The following RBFOX1 variants were observed in gnomAD, a reference collection of about 807,000 sequenced individuals.
The protein encoded by RBFOX1 is RNA binding fox-1 homolog 1.
In RBFOX1, 8 loss-of-function variants were observed where a neutral mutation model predicts 57.7. That is an observed-to-expected ratio of 0.14 (90% CI 0.08 to 0.25). The LOEUF is 0.25. RBFOX1 is among the 10% of genes least tolerant of loss of function. RBFOX1 has a pLI of 1.00. For missense variants in RBFOX1, 611 were observed against 548.5 expected, an observed-to-expected ratio of 1.11 and a Z score of -1.14; for synonymous variants, 326 against 222.4, an observed-to-expected ratio of 1.47 and a Z score of -4.15.
At chr16:5,885,334 A>C (rs1010240548) in intron 4 of RBFOX1, among the ~76,000 whole-genome samples, 1 of 152,018 alleles carries the variant, frequency 6.6e-6, no homozygotes, top group Non-Finnish European at 1.5e-5. Context: ...AAAAAAAAAA[A>C]AAACTCCAAA....
intron 1 of RBFOX1, among the ~76,000 whole-genome samples, chr16:6,115,475 G>A (rs2096488069): frequency 6.6e-6 from 1 of 152,166 alleles, no homozygotes; most frequent in Admixed American, 6.5e-5. Flanking sequence ...CCCTTTAATA[G>A]ATTTGTGCAT....
chr16:7,351,879 C>G (rs571140173), intron 4 of RBFOX1, among the ~76,000 whole-genome samples: 12 of 152,290 alleles, frequency 7.9e-5, no homozygotes, highest in African/African-American at 2.9e-4. Context: ...CAGCAGCTGT[C>G]TTTCTGATCT....
At chr16:5,592,955 T>C (rs972435218) in intron 2 of RBFOX1, among the ~76,000 whole-genome samples, 89 of 152,254 alleles carry the variant, frequency 5.8e-4, no homozygotes, top group African/African-American at 1.9e-3. Context: ...CTGGATAAAA[T>C]GAGACTGAGA....
chr16:6,799,308 G>C (rs1036847474), intron 3 of RBFOX1, among the ~76,000 whole-genome samples: 1 of 152,096 alleles, frequency 6.6e-6, no homozygotes, highest in Non-Finnish European at 1.5e-5. Context: ...TGTATTTCTA[G>C]CTACTTATCA....
intron 2 of RBFOX1, among the ~76,000 whole-genome samples, chr16:6,623,008 A>G (rs952128621): frequency 3.3e-5 from 5 of 152,188 alleles, no homozygotes; most frequent in African/African-American, 7.2e-5. Flanking sequence ...TAATGAACAC[A>G]CCACATCTTT....
At position 6,030,158 on chromosome 16, in the gene RBFOX1, G is replaced by A. The variant is rs2152385420; in HGVS notation, c.-127+10166G>A. ...GCCCAGGCTGGTCTTGAACTCCTGGGGTCAAGCAATCTTCCCTTACAAAGT... is the reference window on the plus strand; with the variant it reads ...GCCCAGGCTGGTCTTGAACTCCTGGAGTCAAGCAATCTTCCCTTACAAAGT... On this transcript the variant is annotated intron_variant, in intron 1 of 15. Coordinates refer to ENST00000550418, the MANE Select transcript of RBFOX1 (RefSeq NM_018723.4). Among the ~76,000 whole-genome samples the A allele has an allele frequency of 5.9e-5, 9 of 152,202 alleles. No homozygotes were observed. The Middle Eastern group carries it at 0.02, about 345-fold the overall frequency.
At chr16:7,382,952 T>C (rs1426037885) in intron 4 of RBFOX1, among the ~76,000 whole-genome samples, 1 of 152,122 alleles carries the variant, frequency 6.6e-6, no homozygotes, top group East Asian at 1.9e-4. Flanking sequence ...GGGTTCCACA[T>C]TGAAGAGAAA....
chr16:7,496,125 G>C (rs1251504300), intron 4 of RBFOX1, among the ~76,000 whole-genome samples: 1 of 152,052 alleles, frequency 6.6e-6, no homozygotes, highest in East Asian at 1.9e-4. Context: ...CTGGGCATCA[G>C]TTTCCTCACC....
At chr16:7,519,250 T>C (rs1023267536) in intron 5 of RBFOX1, among the ~76,000 whole-genome samples, 1 of 152,160 alleles carries the variant, frequency 6.6e-6, no homozygotes, top group African/African-American at 2.4e-5. Flanking sequence ...CTTCTTTACC[T>C]TAGCCTAATA....
chr16:6,673,949 C>A (rs965636210), intron 3 of RBFOX1, among the ~76,000 whole-genome samples: 2 of 152,130 alleles, frequency 1.3e-5, no homozygotes, highest in African/African-American at 4.8e-5. Flanking sequence ...GATCTGCACA[C>A]CTCCAGAACA....
intron 14 of RBFOX1, among the ~76,000 whole-genome samples, chr16:7,705,001 G>T (rs1308691722): frequency 6.8e-6 from 1 of 147,834 alleles, no homozygotes; most frequent in East Asian, 2.1e-4. Context: ...CCGAGATCAT[G>T]TCACTGCACT....
In RBFOX1 at chr16:5,246,898, T is replaced by G. The variant is rs146508621; in HGVS notation, c.219+6793T>G. 4.0e-3 allele frequency among the ~76,000 whole-genome samples: 607 copies of G among 152,264 alleles called. 4 individuals carry two copies. Among genetic ancestry groups the G allele is most frequent in the Non-Finnish European group, 7.2e-3 (490 of 68,014 alleles). On this transcript the variant is annotated intron_variant, in intron 1 of 2. Coordinates refer to the RBFOX1 transcript ENST00000585867. The stretch of plus-strand genomic sequence containing the variant: ...GTTATGCAGGCTGGTCCTGAACTCC[T>G]GGGCTCAAGCAATCTGCCGGCCTCA...
At chr16:5,505,338 G>A (rs151097782) in intron 2 of RBFOX1, among the ~76,000 whole-genome samples, 97 of 152,280 alleles carry the variant, frequency 6.4e-4, no homozygotes, top group South Asian at 1.2e-3. Flanking sequence ...CTTGGTGCCT[G>A]TCGTCTTATT....
Position 6,985,236 on chromosome 16 carries a change from T to C in RBFOX1, c.-15-66821T>C, listed in dbSNP as rs571926466. ...GATTTTTTTCTCTGGCCTCTTGTCTTTTCTGGGCTACATGCCACATATTGG... is the reference window on the plus strand; with the variant it reads ...GATTTTTTTCTCTGGCCTCTTGTCTCTTCTGGGCTACATGCCACATATTGG... On this transcript the variant is annotated intron_variant, in intron 3 of 15. Coordinates refer to ENST00000550418, the MANE Select transcript of RBFOX1 (RefSeq NM_018723.4). Among the ~76,000 whole-genome samples the C allele has an allele frequency of 4.6e-5, 7 of 152,358 alleles. No individual in the cohort carries two copies. In the South Asian group the frequency reaches 1.5e-3, roughly 32 times the overall value.
intron 2 of RBFOX1, among the ~76,000 whole-genome samples, chr16:6,601,711 T>C (rs1393294102): frequency 6.6e-6 from 1 of 152,106 alleles, no homozygotes; most frequent in Non-Finnish European, 1.5e-5. Context: ...TCATCTTAAG[T>C]CATTCTCCCG....
chr16:7,468,864 G>A (rs1290220669), intron 4 of RBFOX1, among the ~76,000 whole-genome samples: 4 of 152,088 alleles, frequency 2.6e-5, no homozygotes, highest in East Asian at 3.9e-4. Context: ...AGGTTGCGAG[G>A]ATCACAGGGT....
intron 3 of RBFOX1, among the ~76,000 whole-genome samples, chr16:6,957,644 C>T (rs947153860): frequency 1.3e-5 from 2 of 152,052 alleles, no homozygotes; most frequent in Non-Finnish European, 2.9e-5. Flanking sequence ...GTATCTTGTG[C>T]CGACATCCTG....
rs116691995 is a variant in RBFOX1, at chr16:5,752,519, C to T, written c.319-114784C>T. Among the ~76,000 whole-genome samples the T allele has an allele frequency of 5.2e-3, 786 of 152,302 alleles. 6 individuals carry two copies. Among genetic ancestry groups the T allele is most frequent in the African/African-American group, 0.018 (744 of 41,572 alleles). On this transcript the variant is annotated intron_variant, in intron 3 of 19. Transcript: ENST00000641259. ...TTTTGCCACCCACCTAGCTGTTTCA[C>T]GCTGTTTACTGTGATACTGTGCTTT...
chr16:6,273,660 T>G (rs2075480719), intron 1 of RBFOX1, among the ~76,000 whole-genome samples: 1 of 151,970 alleles, frequency 6.6e-6, no homozygotes, highest in Admixed American at 6.6e-5. Flanking sequence ...GTTCTTAGAA[T>G]TAGCACCAAA....
Sources: allele counts gnomAD v4.1 joint callset (sites outside exome capture counted in the v4.1 genomes callset), GRCh38; gene constraint gnomAD v4.1.1; transcripts MANE v1.5; gene names NCBI Gene and HGNC (gene_info 2026-07-23, HGNC 2026-07-21).